The following ELL variants were observed in gnomAD, a reference collection of about 807,000 sequenced individuals.
The protein encoded by ELL is elongation factor for RNA polymerase II, also known as RNA polymerase II elongation factor ELL.
ELL carries 18 observed loss-of-function variants against 64.0 expected under a neutral mutation model. That is an observed-to-expected ratio of 0.28 (90% CI 0.19 to 0.42). The LOEUF is 0.42. Among genes scored for constraint, ELL ranks in the 10% least tolerant of loss-of-function variants. The pLI, the probability that ELL is intolerant of heterozygous loss-of-function variation, is 1.00. For missense variants in ELL, 797 were observed against 870.4 expected, an observed-to-expected ratio of 0.92 and a Z score of 1.06; for synonymous variants, 399 against 376.2, an observed-to-expected ratio of 1.06 and a Z score of -0.70.
At position 18,501,361 on chromosome 19, in the gene ELL, A is replaced by AAACCCTGCTGAGCGAGAGAAC. The variant is rs1349705694; in HGVS notation, c.135+20539_135+20559dup. Among the ~76,000 whole-genome samples the AAACCCTGCTGAGCGAGAGAAC allele has an allele frequency of 2.6e-5, 4 of 152,224 alleles. No homozygotes were observed. Among genetic ancestry groups the AAACCCTGCTGAGCGAGAGAAC allele is most frequent in the Admixed American group, 2.6e-4 (4 of 15,286 alleles). ...CCAACACCAAATTAAGAGGAATCAA[A>AAACCCTGCTGAGCGAGAGAAC]AACCCTGCTGAGCGAGAGAACGTGG... On this transcript the variant is annotated intron_variant, in intron 1 of 11. Transcript: ENST00000262809. The surrounding 1 kb of genome is among the most constrained non-coding windows in gnomAD (Gnocchi z 4.5).
At chr19:18,497,815 CAAAAAAAAAAAAA>C (rs58521941) in intron 1 of ELL, among the ~76,000 whole-genome samples, 2 of 54,214 alleles carry the variant, frequency 3.7e-5, no homozygotes, top group Non-Finnish European at 7.0e-5. Flanking sequence ...GATCTCATCT[CAAAAAAAAAAAAA>C]AAAAAAAAAA....
chr19:18,446,886 G>A (rs900314760), intron 8 of ELL, 72 bp from the exon 9 acceptor site: 1 of 1,496,560 alleles, frequency 6.7e-7, no homozygotes, highest in Non-Finnish European at 9.3e-7. Context: ...GCCAGGATGG[G>A]GACATGCATG....
At chr19:18,480,397 T>C (rs928412670) in intron 1 of ELL, among the ~76,000 whole-genome samples, 1 of 152,178 alleles carries the variant, frequency 6.6e-6, no homozygotes, top group Non-Finnish European at 1.5e-5. Flanking sequence ...CTTGGTTGGC[T>C]CAGGGACGAG....
intron 8 of ELL, among the ~76,000 whole-genome samples, chr19:18,447,296 C>CA (rs1224180390): frequency 6.6e-6 from 1 of 152,208 alleles, no homozygotes; most frequent in Admixed American, 6.5e-5. Context: ...CCAGACAGGA[C>CA]AAAGACAAGA....
chr19:18,503,203 G>A (rs1975817163), intron 1 of ELL, among the ~76,000 whole-genome samples: 1 of 152,244 alleles, frequency 6.6e-6, no homozygotes, highest in African/African-American at 2.4e-5. Context: ...AGTGTCCAGT[G>A]GCACCGCCCG....
Position 18,461,662 on chromosome 19 carries a change from G to A in ELL, c.660C>T (p.Tyr220=), listed in dbSNP as rs770934063. The change falls in exon 5 of 12, where the codon TAC becomes TAT. Residue 220 remains tyrosine, a synonymous_variant. Transcript: ENST00000262809. ...RVLHLLALRP[Y]RKAELLLRLQ... is the part of the protein sequence containing the mutation. ...GTCGCAGCAGCAGCTCAGCCTTGCGGTAGGGCCGTAGTGCCAGGAGGTGCA... is the reference window on the plus strand; with the variant it reads ...GTCGCAGCAGCAGCTCAGCCTTGCGATAGGGCCGTAGTGCCAGGAGGTGCA... The A allele has an allele frequency of 1.8e-5, 29 of 1,612,868 alleles. No individual in the cohort carries two copies. The East Asian group carries it at 6.0e-4, about 33-fold the overall frequency.
intron 1 of ELL, among the ~76,000 whole-genome samples, chr19:18,509,204 C>A (rs971320804): frequency 3.3e-5 from 5 of 152,058 alleles, no homozygotes; most frequent in Non-Finnish European, 7.4e-5. Context: ...GTGAACCAGG[C>A]GCCCTGATGC....
At chr19:18,452,119 A>T (rs1056565637) in intron 6 of ELL, among the ~76,000 whole-genome samples, 2 of 152,134 alleles carry the variant, frequency 1.3e-5, no homozygotes, top group Non-Finnish European at 2.9e-5. Context: ...GCAGCTGGGG[A>T]AGAAGGGAAG....
At chr19:18,498,198 C>T (rs1283043754) in intron 1 of ELL, among the ~76,000 whole-genome samples, 1 of 151,910 alleles carries the variant, frequency 6.6e-6, no homozygotes, top group Non-Finnish European at 1.5e-5. Flanking sequence ...GTGGATGGGA[C>T]ACTGAGAATG....
chr19:18,471,053 T>C (rs1975054951), intron 2 of ELL: 1 of 451,906 alleles, frequency 2.2e-6, no homozygotes, highest in Admixed American at 2.4e-5. Flanking sequence ...CAGAAATTGA[T>C]TTAGGTACAA....
chr19:18,483,330 T>C (rs1348571851), intron 1 of ELL, among the ~76,000 whole-genome samples: 1 of 152,178 alleles, frequency 6.6e-6, no homozygotes, highest in Admixed American at 6.5e-5. Context: ...TTTTGGACAC[T>C]ATCCAGGTCC....
chr19:18,446,700 A>G (rs769841027), intron 9 of ELL, 48 bp downstream of exon 9: 2 of 1,609,724 alleles, frequency 1.2e-6, no homozygotes, highest in Non-Finnish European at 1.7e-6. Context: ...AGGGGGTCTG[A>G]ACCCAGAAAA....
At chr19:18,466,101 A>G (rs1974930160) in intron 2 of ELL, among the ~76,000 whole-genome samples, 183 bp from the exon 3 acceptor site, 2 of 152,076 alleles carry the variant, frequency 1.3e-5, no homozygotes, top group Admixed American at 1.3e-4. Context: ...TCAGCAACAC[A>G]CACTGCGTAG....
intron 1 of ELL, among the ~76,000 whole-genome samples, chr19:18,519,471 G>C (rs949313822): frequency 6.6e-6 from 1 of 152,132 alleles, no homozygotes; most frequent in Admixed American, 6.6e-5. Context: ...CCTTAGAAAA[G>C]TCCATCCACT....
intron 1 of ELL, among the ~76,000 whole-genome samples, chr19:18,495,636 G>A (rs991777232): frequency 6.6e-6 from 1 of 152,330 alleles, no homozygotes; most frequent in East Asian, 1.9e-4. Flanking sequence ...AGTGACAGGC[G>A]GCAGTGGCTG....
chr19:18,514,090 T>C (rs1489276674), intron 1 of ELL, among the ~76,000 whole-genome samples: 10 of 152,104 alleles, frequency 6.6e-5, no homozygotes, highest in Admixed American at 5.9e-4. Context: ...CCCTGGAGGA[T>C]ATAATTAGCA....
chr19:18,461,736 C>T lies in ELL; in HGVS notation c.586G>A (p.Val196Met), dbSNP rs748628873. 15 of 1,613,938 alleles carry T rather than the reference C, an allele frequency of 9.3e-6. No individual in the cohort carries two copies. Among genetic ancestry groups the T allele is most frequent in the Admixed American group, 1.7e-5 (1 of 60,030 alleles). ...SAIRKSGASA[V>M]SGGSGVSQRP... ...TGGGACACCCCGCTGCCCCCACTCA[C>T]GGCACTGGCACCACTCTTCCTGATG... The change falls in exon 5 of 12, where the codon GTG (valine) becomes ATG (methionine). Residue 196 changes from valine to methionine, a missense_variant. Physicochemically the swap from Val to Met is conservative, Grantham distance 21. Transcript: ENST00000262809.
chr19:18,485,846 C>T (rs985320160), intron 1 of ELL, among the ~76,000 whole-genome samples: 3 of 152,022 alleles, frequency 2.0e-5, no homozygotes, highest in African/African-American at 7.2e-5. Flanking sequence ...ATTAGCCGGG[C>T]GTGGTAGCAC....
chr19:18,508,841 C>T lies in ELL; in HGVS notation c.135+13080G>A, dbSNP rs116337146. Reference sequence around the variant, plus strand: ...TTACAAAGACAGGTGGCAGGCCAGACCCAGCCCTTTGGCCACAGTTTACCA... The same window carrying T: ...TTACAAAGACAGGTGGCAGGCCAGATCCAGCCCTTTGGCCACAGTTTACCA... On this transcript the variant is annotated intron_variant, in intron 1 of 11. Transcript: ENST00000262809. Among the ~76,000 whole-genome samples the T allele has an allele frequency of 3.3e-3, 503 of 152,330 alleles. 2 individuals are homozygous for T. Among genetic ancestry groups the T allele is most frequent in the African/African-American group, 0.011 (474 of 41,556 alleles).
Sources: gnomAD v4.1 joint callset for allele counts (sites outside exome capture counted in the v4.1 genomes callset) on GRCh38, gnomAD v4.1.1 for gene constraint, Gnocchi (gnomAD v3.1) non-coding constraint, MANE v1.5 for transcripts, NCBI Gene and HGNC (gene_info 2026-07-23, HGNC 2026-07-21) for gene names.